CD55: variants seen among roughly 807,000 people sequenced by gnomAD.
CD55 encodes complement decay-accelerating factor.
A neutral mutation model predicts 45.8 loss-of-function variants in CD55; 41 were observed. The ratio of observed to expected loss-of-function variants is 0.90; its 90% CI spans 0.70 to 1.16. The LOEUF is 1.16. Among genes scored for constraint, CD55 ranks in the 50% most tolerant of loss-of-function variants. CD55 has a pLI of 0.00. For synonymous variants in CD55, 181 were observed against 181.1 expected (o/e 1.00, Z 0.01); for missense variants, 416 against 469.8 (o/e 0.89, Z 1.06).
Position 207,331,200 on chromosome 1 carries a change from T to C in CD55, c.757T>C (p.Cys253Arg). The change falls in exon 6 of 10, where the codon TGT (cysteine) becomes CGT (arginine). Residue 253 changes from cysteine (C) to arginine (R), a missense_variant. Cys to Arg is a radical substitution (Grantham distance 180). This residue lies in a region of CD55 where 182 missense variants were observed against 201.4 expected (regional missense o/e 0.90). Transcript: ENST00000367064. ...YGYRQSVTYA[C>R]NKGFTMIGEH... ...ATATAGACAGTCTGTAACGTATGCA[T>C]GTAATAAAGGATTCACCATGATTGG... 6.2e-7 allele frequency: 1 copy of C among 1,613,116 alleles called. No homozygotes were observed. The highest frequency in any genetic ancestry group is 2.2e-5 in the East Asian group (1 of 44,854).
intron 6 of CD55, among the ~76,000 whole-genome samples, chr1:207,333,311 A>G (rs1655029195): frequency 6.6e-6 from 1 of 152,196 alleles, no homozygotes; most frequent in African/African-American, 2.4e-5. Context: ...CCACCTTCCA[A>G]AGGTGAAACA....
chr1:207,328,326 T>G (rs1444501748), intron 5 of CD55, among the ~76,000 whole-genome samples: 1 of 152,350 alleles, frequency 6.6e-6, no homozygotes, highest in African/African-American at 2.4e-5. Flanking sequence ...CTATAAGGCC[T>G]TACTTCTTTC....
chr1:207,323,346 G>GGTTGA lies in CD55; in HGVS notation c.286+780_286+784dup, dbSNP rs374586035. Among the ~76,000 whole-genome samples the GGTTGA allele has an allele frequency of 4.1e-3, 623 of 151,892 alleles. 4 individuals carry two copies. The highest frequency in any genetic ancestry group is 0.014 in the African/African-American group (589 of 41,392). ...AAACTGGGATATAGACAGGTAGATA[G>GGTTGA]GTTGATTGTTAAAAATGAATAAGAG... On this transcript the variant is annotated intron_variant, in intron 2 of 9. Transcript: ENST00000367064.
rs1273346448 is a variant in CD55, at chr1:207,326,954, A to G, written c.664+117A>G. Reference sequence around the variant, plus strand: ...GTATTTGTAGCAAACCCACCTTTCAATATATGAGTGCTTTGCTAATTTTAA... The same window carrying G: ...GTATTTGTAGCAAACCCACCTTTCAGTATATGAGTGCTTTGCTAATTTTAA... On this transcript the variant is annotated intron_variant, in intron 5 of 9. Coordinates refer to ENST00000367064, the MANE Select transcript of CD55 (RefSeq NM_000574.5). 19 of 605,012 alleles carry G rather than the reference A, an allele frequency of 3.1e-5. No homozygotes were observed. In the Admixed American group the frequency reaches 5.6e-4, roughly 18 times the overall value. 37.5% of individuals were successfully genotyped at this position (605,012 alleles called of 1,614,324 possible). A position where few individuals can be genotyped will look rare whatever the true frequency, so the allele number is the denominator to read the frequency against.
rs768268102 is a variant in CD55 at position 207,322,413 on chromosome 1, T to C, written c.132T>C (p.Asn44=). 6.2e-7 allele frequency: 1 copy of C among 1,614,172 alleles called. No homozygotes were observed. Among genetic ancestry groups the C allele is most frequent in the Admixed American group, 1.7e-5 (1 of 60,024 alleles). Residue 44 remains asparagine, a synonymous_variant, in exon 2 of 10, where the codon AAT becomes AAC. Transcript: ENST00000367064. ...GTGGCCTTCCCCCAGATGTACCTAA[T>C]GCCCAGCCAGCTTTGGAAGGCCGTA... is the stretch of plus-strand genomic sequence containing the variant. ...GDCGLPPDVP[N]AQPALEGRTS... is the part of the protein sequence containing the mutation.
intron 6 of CD55, among the ~76,000 whole-genome samples, chr1:207,333,125 A>C (rs1267536373): frequency 7.9e-5 from 12 of 152,214 alleles, no homozygotes; most frequent in Non-Finnish European, 4.4e-5. Context: ...TAAAGTACAA[A>C]ATGAAATCTC....
Position 207,354,100 on chromosome 1 carries a change from G to T in CD55, c.1082-5446G>T, listed in dbSNP as rs965018246. 5 of 1,526,256 alleles carry T rather than the reference G, an allele frequency of 3.3e-6. No homozygotes were observed. The African/African-American group carries it at 6.9e-5, about 21-fold the overall frequency. 94.5% of individuals were successfully genotyped at this position (1,526,256 alleles called of 1,614,324 possible). A position where few individuals can be genotyped will look rare whatever the true frequency, so the allele number is the denominator to read the frequency against. On this transcript the variant is annotated intron_variant, in intron 9 of 9. Transcript: ENST00000367064. ...CTCTAGGTCACTCCAGTTCTTGGAG[G>T]TAGGTAGATAGAATTCTAAGTTGGG... is the stretch of plus-strand genomic sequence containing the variant.
In CD55 at chr1:207,349,423, TC is replaced by T. The variant is rs1231319084; in HGVS notation, c.1081+10008del. 2.6e-5 allele frequency among the ~76,000 whole-genome samples: 4 copies of T among 152,064 alleles called. No homozygotes were observed. In the South Asian group the frequency reaches 6.2e-4, roughly 24 times the overall value. ...GTCTCAAACTCCTGACCTCAAGTGA[TC>T]CACCTGCCTCAGCCTTGCAAAGTGC... On this transcript the variant is annotated intron_variant, in intron 9 of 9. Coordinates refer to ENST00000367064, the MANE Select transcript of CD55 (RefSeq NM_000574.5).
In CD55 at chr1:207,324,745, G is replaced by A. The variant is rs1161540828; in HGVS notation, c.473G>A (p.Cys158Tyr). ...AAATGGTCCACAGCAGTCGAATTTT[G>A]TAAAAGTGAGTAAAATTTTTTAAAG... ...NLKWSTAVEF[C>Y]KKKSCPNPGE... Residue 158 changes from cysteine (C) to tyrosine (Y), a missense_variant, in exon 3 of 10, where the codon TGT (cysteine) becomes TAT (tyrosine). Coordinates refer to ENST00000367064, the MANE Select transcript of CD55 (RefSeq NM_000574.5). The A allele has an allele frequency of 6.3e-7, 1 of 1,590,104 alleles. No individual in the cohort carries two copies. Among genetic ancestry groups the A allele is most frequent in the Non-Finnish European group, 8.6e-7 (1 of 1,168,370 alleles).
intron 9 of CD55, chr1:207,354,247 A>G (rs1044438941): frequency 7.6e-7 from 1 of 1,309,220 alleles, no homozygotes. Flanking sequence ...TATGGCCTGA[A>G]TCTGGGGCTA....
chr1:207,336,151 A>G (rs967902680), intron 6 of CD55, among the ~76,000 whole-genome samples: 4 of 152,180 alleles, frequency 2.6e-5, no homozygotes, highest in Non-Finnish European at 5.9e-5. Context: ...TGAAATCTAA[A>G]GAGGAACTGG....
chr1:207,330,673 C>T (rs916746486), intron 5 of CD55, among the ~76,000 whole-genome samples: 7 of 152,130 alleles, frequency 4.6e-5, no homozygotes, highest in South Asian at 2.1e-4. Context: ...TGAAGAGCAA[C>T]GCTTTCTCCG....
Position 207,321,755 on chromosome 1 carries a change from C to T in CD55, c.-11C>T. 1 of 1,508,128 alleles carries T rather than the reference C, an allele frequency of 6.6e-7. No individual in the cohort carries two copies. The highest frequency in any genetic ancestry group is 8.8e-7 in the Non-Finnish European group (1 of 1,135,014). The allele number at this position is 1,508,128 out of a possible 1,614,324, so 93.4% of individuals were successfully genotyped here. A position where few individuals can be genotyped will look rare whatever the true frequency, so the allele number is the denominator to read the frequency against. On this transcript the variant is annotated 5_prime_UTR_variant, in exon 1 of 10. Coordinates refer to ENST00000367064, the MANE Select transcript of CD55 (RefSeq NM_000574.5). ...TCCCGGCGGCGCGTCCTTGTTCTAA[C>T]CCGGCGCGCCATGACCGTCGCGCGG...
chr1:207,346,562 T>G (rs1479827053), intron 9 of CD55, among the ~76,000 whole-genome samples: 3 of 152,146 alleles, frequency 2.0e-5, no homozygotes, highest in African/African-American at 7.2e-5. Context: ...CTGGGGCACA[T>G]GCAGTTTGCT....
At chr1:207,348,278 G>T (rs555619695) in intron 9 of CD55, among the ~76,000 whole-genome samples, 1 of 152,198 alleles carries the variant, frequency 6.6e-6, no homozygotes, top group African/African-American at 2.4e-5. Flanking sequence ...CTATGAGATG[G>T]TATCTCATTG....
At chr1:207,339,721 A>G (rs553583646) in intron 9 of CD55, among the ~76,000 whole-genome samples, 85 of 152,282 alleles carry the variant, frequency 5.6e-4, no homozygotes, top group South Asian at 8.3e-4. Flanking sequence ...ACATTTCACT[A>G]AGTAACCTTT....
intron 4 of CD55, among the ~76,000 whole-genome samples, chr1:207,326,526 T>A (rs1425696802): frequency 6.6e-6 from 1 of 152,224 alleles, no homozygotes; most frequent in Non-Finnish European, 1.5e-5. Flanking sequence ...ATATTCCCCA[T>A]GCAAATAAAA....
At position 207,336,781 on chromosome 1, in the gene CD55, GAAAACCACCACA is replaced by G; in HGVS notation, c.955_966del (p.Lys319_Thr322del). The stretch of plus-strand genomic sequence containing the variant: ...CTACAGAAGTCTCACCAACTTCTCA[GAAAACCACCACA>G]AAAACCACCACACCAAATGCTCAAG... On this transcript the variant is annotated inframe_deletion, in exon 7 of 10. Coordinates refer to ENST00000367064, the MANE Select transcript of CD55 (RefSeq NM_000574.5). 3.7e-6 allele frequency: 6 copies of G among 1,613,754 alleles called. No individual in the cohort carries two copies. The highest frequency in any genetic ancestry group is 1.3e-5 in the African/African-American group (1 of 74,946).
chr1:207,352,887 T>C (rs1349563628), intron 9 of CD55, among the ~76,000 whole-genome samples: 1 of 152,120 alleles, frequency 6.6e-6, no homozygotes, highest in Admixed American at 6.6e-5. Flanking sequence ...TTTTAATGTA[T>C]TATTTCATAT....
Sources: allele counts gnomAD v4.1 joint callset (sites outside exome capture counted in the v4.1 genomes callset), GRCh38; gene constraint gnomAD v4.1.1; regional missense constraint gnomAD v4.1.1; transcripts MANE v1.5; gene names NCBI Gene and HGNC (gene_info 2026-07-23, HGNC 2026-07-21).